Variants in GPX2 observed in about 807,000 individuals in gnomAD.
GPX2 encodes the protein gastrointestinal glutathione peroxidase.
A neutral mutation model predicts 14.1 loss-of-function variants in GPX2; 21 were observed. The observed-to-expected ratio is 1.48, with a 90% CI of 1.05 to 2.14. The LOEUF (loss-of-function observed/expected upper bound fraction) is 2.14. GPX2 is among the 30% of genes most tolerant of loss of function. The pLI is 0.00. For missense variants in GPX2, 241 were observed against 249.8 expected, an observed-to-expected ratio of 0.96 and a Z score of 0.24; for synonymous variants, 94 against 95.2, an observed-to-expected ratio of 0.99 and a Z score of 0.07.
chr14:64,939,686 G>T lies in GPX2; in HGVS notation c.375C>A (p.Tyr125Ter). The change falls in exon 2 of 2, where the codon TAC (tyrosine) becomes TAA (stop). Residue 125 changes from tyrosine (Y) to a stop codon, truncating the protein, a stop_gained. Transcript: ENST00000389614. LOFTEE classifies it high-confidence loss of function. The surrounding 1 kb of genome is among the most constrained non-coding windows in gnomAD (Gnocchi z 5.7). ...VFAYLKDKLP[Y>*]PYDDPFSLMT... ...TGAGGGAAAATGGGTCATCATAAGG[G>T]TAGGGGAGCTTGTCCTTCAGGTAGG... 1.2e-6 allele frequency: 2 copies of T among 1,614,180 alleles called. No individual in the cohort carries two copies. The highest frequency in any genetic ancestry group is 1.7e-6 in the Non-Finnish European group (2 of 1,180,038).
chr14:64,939,842 G>A lies in GPX2; in HGVS notation c.223-4C>T. Reference sequence around the variant, plus strand: ...TCTCCTCATTCTGACAGTTCTCCTAGGGGAGGAAAAAGACAAAGTGCGTGG... The same window carrying A: ...TCTCCTCATTCTGACAGTTCTCCTAAGGGAGGAAAAAGACAAAGTGCGTGG... On this transcript the variant is annotated splice_polypyrimidine_tract_variant and splice_region_variant and intron_variant, in intron 1 of 1. Transcript: ENST00000389614. The surrounding 1 kb of genome is among the most constrained non-coding windows in gnomAD (Gnocchi z 5.7). 1.2e-6 allele frequency: 2 copies of A among 1,612,052 alleles called. No individual in the cohort carries two copies. Among genetic ancestry groups the A allele is most frequent in the South Asian group, 1.1e-5 (1 of 91,032 alleles).
Position 64,939,784 on chromosome 14 carries a change from C to A in GPX2, c.277G>T (p.Gly93Cys). 1 of 1,614,094 alleles carries A rather than the reference C, an allele frequency of 6.2e-7. No homozygotes were observed. Among genetic ancestry groups the A allele is most frequent in the Non-Finnish European group, 8.5e-7 (1 of 1,180,020 alleles). ...AGGGTGAAGGTGGGCTGGTATCCAC[C>A]CCCAGGACGGACATACTTGAGACTG... Reference protein sequence around the residue: ...LNSLKYVRPGGGYQPTFTLVQ... With the variant: ...LNSLKYVRPGCGYQPTFTLVQ... Residue 93 changes from glycine to cysteine, a missense_variant, in exon 2 of 2, where the codon GGT (glycine) becomes TGT (cysteine). Coordinates refer to ENST00000389614, the MANE Select transcript of GPX2 (RefSeq NM_002083.4). This position sits in a 1 kb window ranked among gnomAD's most constrained non-coding sequence, Gnocchi z 5.7.
intron 1 of GPX2, among the ~76,000 whole-genome samples, chr14:64,941,982 T>C (rs1885667395): frequency 6.6e-6 from 1 of 152,256 alleles, no homozygotes; most frequent in South Asian, 2.1e-4. Flanking sequence ...TTGTATATCC[T>C]GTCCCCTAAA....
Position 64,940,450 on chromosome 14 carries a change from C to A in GPX2, c.223-612G>T, listed in dbSNP as rs1885571398. ...AGACCCAGAGGAATGGGATTTACAGCTTCTTGCTTTCTTCTTGCCTTGTCC... is the reference window on the plus strand; with the variant it reads ...AGACCCAGAGGAATGGGATTTACAGATTCTTGCTTTCTTCTTGCCTTGTCC... On this transcript the variant is annotated intron_variant, in intron 1 of 1. Transcript: ENST00000389614. This position sits in a 1 kb window ranked among gnomAD's most constrained non-coding sequence, Gnocchi z 4.5. Among the ~76,000 whole-genome samples the A allele has an allele frequency of 6.6e-6, 1 of 152,152 alleles. No homozygotes were observed. Among genetic ancestry groups the A allele is most frequent in the African/African-American group, 2.4e-5 (1 of 41,438 alleles).
Position 64,940,138 on chromosome 14 carries a change from G to A in GPX2, c.223-300C>T, listed in dbSNP as rs1349021122. On this transcript the variant is annotated intron_variant, in intron 1 of 1. Transcript: ENST00000389614. The surrounding 1 kb of genome is among the most constrained non-coding windows in gnomAD (Gnocchi z 4.5). The stretch of plus-strand genomic sequence containing the variant: ...TCACTTTGTTGCCCATGCTTTGGCT[G>A]CTCTTCAAGATTTAGCACTTCTGAG... 4 of 1,371,512 alleles carry A rather than the reference G, an allele frequency of 2.9e-6. No homozygotes were observed. The African/African-American group carries it at 4.4e-5, about 15-fold the overall frequency. The allele number at this position is 1,371,512 out of a possible 1,614,324, so 85.0% of individuals were successfully genotyped here.
chr14:64,939,970 A>G lies in GPX2; in HGVS notation c.223-132T>C. 6.8e-7 allele frequency: 1 copy of G among 1,470,574 alleles called. No individual in the cohort carries two copies. Among genetic ancestry groups the G allele is most frequent in the Non-Finnish European group, 8.9e-7 (1 of 1,119,190 alleles). The allele number at this position is 1,470,574 out of a possible 1,614,324, so 91.1% of individuals were successfully genotyped here. On this transcript the variant is annotated intron_variant, in intron 1 of 1. Transcript: ENST00000389614. The surrounding 1 kb of genome is among the most constrained non-coding windows in gnomAD (Gnocchi z 5.7). ...TTTTCACTGTGAAAGAGAGAGAGAC[A>G]AGACAGACGAGGTGTTGCTCACTGC...
In GPX2 at chr14:64,939,214, G is replaced by T; in HGVS notation, c.*274C>A. The T allele has an allele frequency of 2.4e-6, 1 of 421,278 alleles. No homozygotes were observed. Among genetic ancestry groups the T allele is most frequent in the Non-Finnish European group, 4.4e-6 (1 of 229,586 alleles). The allele number at this position is 421,278 out of a possible 1,614,324, so 26.1% of individuals were successfully genotyped here. A position where few individuals can be genotyped will look rare whatever the true frequency, so the allele number is the denominator to read the frequency against. On this transcript the variant is annotated 3_prime_UTR_variant, in exon 2 of 2. Coordinates refer to ENST00000389614, the MANE Select transcript of GPX2 (RefSeq NM_002083.4). The surrounding 1 kb of genome is among the most constrained non-coding windows in gnomAD (Gnocchi z 5.7). ...AGCAGAGTGGCTCCAGGCCCTTCAC[G>T]CCTCTCAGACACCACCCATGAGGGT... is the stretch of plus-strand genomic sequence containing the variant.
chr14:64,940,321 C>G lies in GPX2; in HGVS notation c.223-483G>C, dbSNP rs552222283. ...TCCATACCTACACACACACCCCTTT[C>G]CTTTCCTCTGCCCTGGTTTTGCCTC... On this transcript the variant is annotated intron_variant, in intron 1 of 1. Coordinates refer to ENST00000389614, the MANE Select transcript of GPX2 (RefSeq NM_002083.4). This position sits in a 1 kb window ranked among gnomAD's most constrained non-coding sequence, Gnocchi z 4.5. The G allele has an allele frequency of 7.4e-6, 4 of 539,224 alleles. No individual in the cohort carries two copies. The East Asian group carries it at 2.7e-4, about 37-fold the overall frequency. 33.4% of individuals were successfully genotyped at this position (539,224 alleles called of 1,614,324 possible). A position where few individuals can be genotyped will look rare whatever the true frequency, so the allele number is the denominator to read the frequency against.
At position 64,941,296 on chromosome 14, in the gene GPX2, G is replaced by C. The variant is rs1885621780; in HGVS notation, c.222+1209C>G. The C allele has an allele frequency of 5.7e-6, 6 of 1,057,314 alleles. No homozygotes were observed. The Admixed American group carries it at 2.5e-4, about 43-fold the overall frequency. The allele number at this position is 1,057,314 out of a possible 1,614,324, so 65.5% of individuals were successfully genotyped here. A position where few individuals can be genotyped will look rare whatever the true frequency, so the allele number is the denominator to read the frequency against. Reference sequence around the variant, plus strand: ...TTGCTCAGGCTAATCTTGAACTCCTGAGCTCAAGCAATCTGCCTACCTTAG... The same window carrying C: ...TTGCTCAGGCTAATCTTGAACTCCTCAGCTCAAGCAATCTGCCTACCTTAG... On this transcript the variant is annotated intron_variant, in intron 1 of 1. Transcript: ENST00000389614.
intron 1 of GPX2, chr14:64,941,450 A>T: frequency 7.8e-7 from 1 of 1,288,580 alleles, no homozygotes; most frequent in Non-Finnish European, 1.0e-6. Flanking sequence ...GGCTGAAGAG[A>T]TGGTGTGAGG....
Position 64,939,937 on chromosome 14 carries a change from G to T in GPX2, c.223-99C>A. 8 of 1,485,440 alleles carry T rather than the reference G, an allele frequency of 5.4e-6. No homozygotes were observed. The highest frequency in any genetic ancestry group is 7.1e-6 in the Non-Finnish European group (8 of 1,122,962). 92.0% of individuals were successfully genotyped at this position (1,485,440 alleles called of 1,614,324 possible). A position where few individuals can be genotyped will look rare whatever the true frequency, so the allele number is the denominator to read the frequency against. ...CACCCTCCTACACTCCCTCCCCAGG[G>T]TCATTCTTTTTCACTGTGAAAGAGA... On this transcript the variant is annotated intron_variant, in intron 1 of 1. Transcript: ENST00000389614. The surrounding 1 kb of genome is among the most constrained non-coding windows in gnomAD (Gnocchi z 5.7).
At chr14:64,941,123 G>T (rs955055363) in intron 1 of GPX2, among the ~76,000 whole-genome samples, 4 of 152,154 alleles carry the variant, frequency 2.6e-5, no homozygotes, top group Non-Finnish European at 2.9e-5. Context: ...CTGGGGTGCG[G>T]TGGCACAATC....
At position 64,942,677 on chromosome 14, in the gene GPX2, T is replaced by A. The variant is rs1885724380; in HGVS notation, c.50A>T (p.Asp17Val). 1 of 1,614,106 alleles carries A rather than the reference T, an allele frequency of 6.2e-7. No individual in the cohort carries two copies. The highest frequency in any genetic ancestry group is 8.5e-7 in the Non-Finnish European group (1 of 1,180,028). ...CGTATTGAAATCTACCTTCTCCCCA[T>A]CCAGGCTGATGGCACTGAGGTCATA... is the stretch of plus-strand genomic sequence containing the variant. Reference protein sequence around the residue: ...SFYDLSAISLDGEKVDFNTFR... With the variant: ...SFYDLSAISLVGEKVDFNTFR... The change falls in exon 1 of 2, where the codon GAT becomes GTT. Residue 17 changes from aspartate to valine, a missense_variant. Coordinates refer to ENST00000389614, the MANE Select transcript of GPX2 (RefSeq NM_002083.4).
chr14:64,940,124 C>T lies in GPX2; in HGVS notation c.223-286G>A. On this transcript the variant is annotated intron_variant, in intron 1 of 1. Transcript: ENST00000389614. The surrounding 1 kb of genome is among the most constrained non-coding windows in gnomAD (Gnocchi z 4.5). ...GTAGAGATGGGGTCTCACTTTGTTG[C>T]CCATGCTTTGGCTGCTCTTCAAGAT... The T allele has an allele frequency of 7.2e-7, 1 of 1,393,470 alleles. No individual in the cohort carries two copies. The highest frequency in any genetic ancestry group is 1.2e-5 in the South Asian group (1 of 81,542). The allele number at this position is 1,393,470 out of a possible 1,614,324, so 86.3% of individuals were successfully genotyped here.
At position 64,940,098 on chromosome 14, in the gene GPX2, T is replaced by C; in HGVS notation, c.223-260A>G. 1.5e-6 allele frequency: 2 copies of C among 1,367,734 alleles called. No individual in the cohort carries two copies. The highest frequency in any genetic ancestry group is 2.6e-5 in the South Asian group (2 of 77,450). 84.7% of individuals were successfully genotyped at this position (1,367,734 alleles called of 1,614,324 possible). ...TGCCCGGCTAATTTTTTTTTTTTTT[T>C]GTAGAGATGGGGTCTCACTTTGTTG... On this transcript the variant is annotated intron_variant, in intron 1 of 1. Transcript: ENST00000389614. This position sits in a 1 kb window ranked among gnomAD's most constrained non-coding sequence, Gnocchi z 4.5.
At chr14:64,941,188 T>C in intron 1 of GPX2, 1 of 272,626 alleles carries the variant, frequency 3.7e-6, no homozygotes, top group South Asian at 3.3e-5. Flanking sequence ...TACTTCAGCG[T>C]CCCAAGTAGC....
chr14:64,941,168 G>A, intron 1 of GPX2: 1 of 268,606 alleles, frequency 3.7e-6, no homozygotes, highest in Non-Finnish European at 7.3e-6. Flanking sequence ...CCAGGCTCAG[G>A]CGATCCTGCT....
In GPX2 at chr14:64,939,472, G is replaced by T; in HGVS notation, c.*16C>A. The T allele has an allele frequency of 6.3e-7, 1 of 1,594,494 alleles. No individual in the cohort carries two copies. The highest frequency in any genetic ancestry group is 8.6e-7 in the Non-Finnish European group (1 of 1,164,344). ...ACTGGATGGAGTAGGAGATCTGTGT[G>T]TTGAGCAGTTCACATCTATATGGCA... On this transcript the variant is annotated 3_prime_UTR_variant, in exon 2 of 2. Coordinates refer to ENST00000389614, the MANE Select transcript of GPX2 (RefSeq NM_002083.4). The surrounding 1 kb of genome is among the most constrained non-coding windows in gnomAD (Gnocchi z 5.7).
Position 64,940,204 on chromosome 14 carries a change from G to GGT in GPX2, c.223-368_223-367dup. 1 of 1,307,434 alleles carries GGT rather than the reference G, an allele frequency of 7.6e-7. No individual in the cohort carries two copies. The highest frequency in any genetic ancestry group is 1.0e-6 in the Non-Finnish European group (1 of 1,000,972). The allele number at this position is 1,307,434 out of a possible 1,614,324, so 81.0% of individuals were successfully genotyped here. ...CCAGTCTACCCTGAGCAGTTCTTAA[G>GGT]GTGTTTGAAGCAGAAGAAAGAGAAA... On this transcript the variant is annotated intron_variant, in intron 1 of 1. Transcript: ENST00000389614. The surrounding 1 kb of genome is among the most constrained non-coding windows in gnomAD (Gnocchi z 4.5).
Sources: gnomAD v4.1 joint callset for allele counts (sites outside exome capture counted in the v4.1 genomes callset) on GRCh38, gnomAD v4.1.1 for gene constraint, Gnocchi (gnomAD v3.1) non-coding constraint, MANE v1.5 for transcripts, NCBI Gene and HGNC (gene_info 2026-07-23, HGNC 2026-07-21) for gene names.